SRCAP: variants seen among roughly 807,000 people sequenced by gnomAD.
SRCAP encodes the protein Snf2 related CREBBP activator protein.
Under a neutral mutation model 263.1 loss-of-function variants are expected in SRCAP, and 46 were observed. The ratio of observed to expected loss-of-function variants is 0.17; its 90% CI spans 0.14 to 0.22. The LOEUF (loss-of-function observed/expected upper bound fraction) is 0.22, where lower values mean the gene tolerates loss of function less well. Among genes scored for constraint, SRCAP ranks in the 10% least tolerant of loss-of-function variants. The pLI is 1.00. For missense variants in SRCAP, 3,695 were observed against 4,181.9 expected (o/e 0.88, Z 3.21); for synonymous variants, 1,813 against 1,662.1 (o/e 1.09, Z -2.21).
At position 30,738,124 on chromosome 16, in the gene SRCAP, C is replaced by A. The variant is rs779419783; in HGVS notation, c.8084C>A (p.Thr2695Lys). ...SSPEKPQELV[T>K]AEVAAPSTSS... is the part of the protein sequence containing the mutation. ...CCAGAGAAGCCACAGGAACTCGTTA[C>A]AGCTGAGGTTGCAGCTCCATCCACC... is the stretch of plus-strand genomic sequence containing the variant. The change falls in exon 34 of 34, where the codon ACA becomes AAA. Residue 2695 changes from threonine to lysine, a missense_variant. Around this residue, in one of 12 missense-constraint regions of SRCAP, gnomAD observed 1,207 missense variants for 1,142.9 expected, o/e 1.06. Coordinates refer to ENST00000262518, the MANE Select transcript of SRCAP (RefSeq NM_006662.3). 3.7e-6 allele frequency: 6 copies of A among 1,614,174 alleles called. No homozygotes were observed. The East Asian group carries it at 1.1e-4, about 30-fold the overall frequency.
At chr16:30,710,537 C>T in intron 8 of SRCAP, 1 of 760,976 alleles carries the variant, frequency 1.3e-6, no homozygotes, top group Non-Finnish European at 2.4e-6. Flanking sequence ...TATTTGTTAC[C>T]TGGCACTTTC....
rs200249404 is a variant in SRCAP at position 30,736,293 on chromosome 16, G to A, written c.6823G>A (p.Asp2275Asn). The A allele has an allele frequency of 2.5e-6, 4 of 1,614,186 alleles. No individual in the cohort carries two copies. The highest frequency in any genetic ancestry group is 3.3e-5 in the Admixed American group (2 of 60,020). ...VAELAEFNENDGFPAGEGEEA... is the reference protein window; with the variant it reads ...VAELAEFNENNGFPAGEGEEA... The stretch of plus-strand genomic sequence containing the variant: ...TGAGCTTGCAGAATTTAATGAGAAC[G>A]ATGGGTTTCCTGCTGGTGAGGGAGA... Residue 2275 changes from aspartate to asparagine, a missense_variant, in exon 32 of 34, where the codon GAT (aspartate) becomes AAT (asparagine). Asp to Asn is a conservative substitution (Grantham distance 23). Around this residue, in one of 12 missense-constraint regions of SRCAP, gnomAD observed 91 missense variants for 150.6 expected, o/e 0.60. Coordinates refer to ENST00000262518, the MANE Select transcript of SRCAP (RefSeq NM_006662.3).
Position 30,740,010 on chromosome 16 carries a change from G to A in SRCAP, c.*277G>A. ...CCCCCTTGTACTTGATTCCCCAGCT[G>A]TCTTTCACACAGCCCCCCACCCTTA... On this transcript the variant is annotated 3_prime_UTR_variant, in exon 34 of 34. Coordinates refer to ENST00000262518, the MANE Select transcript of SRCAP (RefSeq NM_006662.3). 2 of 339,608 alleles carry A rather than the reference G, an allele frequency of 5.9e-6. No homozygotes were observed. Among genetic ancestry groups the A allele is most frequent in the Non-Finnish European group, 1.0e-5 (2 of 192,020 alleles). 21.0% of individuals were successfully genotyped at this position (339,608 alleles called of 1,614,324 possible).
At chr16:30,726,195 G>A (rs1478096785) in intron 25 of SRCAP, 1 of 152,096 alleles carries the variant, frequency 6.6e-6, no homozygotes, top group Non-Finnish European at 1.5e-5. Flanking sequence ...TTGTGTTATA[G>A]CGTATATCAG....
At chr16:30,729,669 G>C in intron 27 of SRCAP, 97 bp downstream of exon 27, 1 of 1,437,746 alleles carries the variant, frequency 7.0e-7, no homozygotes, top group Non-Finnish European at 9.6e-7. Context: ...GTTCTCTTGC[G>C]ATTTCTGTAA....
At position 30,716,378 on chromosome 16, in the gene SRCAP, C is replaced by A; in HGVS notation, c.2716C>A (p.Leu906Met). 1 of 1,614,236 alleles carries A rather than the reference C, an allele frequency of 6.2e-7. No homozygotes were observed. The highest frequency in any genetic ancestry group is 8.5e-7 in the Non-Finnish European group (1 of 1,180,050). The change falls in exon 18 of 34, where the codon CTG (leucine) becomes ATG (methionine). Residue 906 changes from leucine to methionine, a missense_variant. This residue lies in a region of SRCAP where 147 missense variants were observed against 212.7 expected (regional missense o/e 0.69). Transcript: ENST00000262518. ...QLRKVCNHPN[L>M]FDPRPVTSPF... The stretch of plus-strand genomic sequence containing the variant: ...GAGAAAAGTTTGCAATCATCCAAAT[C>A]TGTTCGACCCTCGACCGGTTACCTC...
rs1181758513 is a variant in SRCAP at position 30,712,091 on chromosome 16, A to G, written c.1749A>G (p.Glu583=). The G allele has an allele frequency of 2.5e-6, 4 of 1,613,960 alleles. No homozygotes were observed. The highest frequency in any genetic ancestry group is 1.3e-5 in the African/African-American group (1 of 74,892). The stretch of plus-strand genomic sequence containing the variant: ...CCACTACTCTAGGTCCAAAGAAAGA[A>G]ATTACTGACATTGCTGCAGCAGCTG... The part of the protein sequence containing the change: ...PGPTTLGPKK[E]ITDIAAAAES... Residue 583 remains glutamate (E), a synonymous_variant, in exon 12 of 34, where the codon GAA becomes GAG. Transcript: ENST00000262518.
Position 30,704,269 on chromosome 16 carries a change from C to T in SRCAP, c.260C>T (p.Pro87Leu), listed in dbSNP as rs753179022. Residue 87 changes from proline to leucine, a missense_variant, in exon 4 of 34, where the codon CCG (proline) becomes CTG (leucine). Around this residue, in one of 12 missense-constraint regions of SRCAP, gnomAD observed 122 missense variants for 116.9 expected, o/e 1.04. Coordinates refer to ENST00000262518, the MANE Select transcript of SRCAP (RefSeq NM_006662.3). ...GCTGCTGACCTGGCTAACAAGGGCC[C>T]GAAGTGGGAGAAGAGCCATGCCGAA... The part of the protein sequence containing the change: ...SQAADLANKG[P>L]KWEKSHAEIA... The T allele has an allele frequency of 4.3e-6, 7 of 1,613,388 alleles. No homozygotes were observed. The highest frequency in any genetic ancestry group is 1.1e-5 in the South Asian group (1 of 91,040).
rs778865525 is a variant in SRCAP at position 30,720,857 on chromosome 16, G to A, written c.3132G>A (p.Val1044=). ...AQPTPGPVPQ[V]LPASLMVSAS... is the part of the protein sequence containing the mutation. Reference sequence around the variant, plus strand: ...CCACCCCTGGCCCAGTCCCCCAAGTGCTGCCAGCATCACTGATGGTTTCAG... The same window carrying A: ...CCACCCCTGGCCCAGTCCCCCAAGTACTGCCAGCATCACTGATGGTTTCAG... Residue 1044 remains valine (V), a synonymous_variant, in exon 20 of 34, where the codon GTG becomes GTA. Coordinates refer to ENST00000262518, the MANE Select transcript of SRCAP (RefSeq NM_006662.3). 6.2e-7 allele frequency: 1 copy of A among 1,613,964 alleles called. No homozygotes were observed. Among genetic ancestry groups the A allele is most frequent in the African/African-American group, 1.3e-5 (1 of 75,012 alleles).
At chr16:30,727,832 G>T (rs973952019) in intron 25 of SRCAP, among the ~76,000 whole-genome samples, 4 of 151,992 alleles carry the variant, frequency 2.6e-5, no homozygotes, top group Non-Finnish European at 5.9e-5. Context: ...GATTACAGGT[G>T]TGAGCCACCG....
chr16:30,721,086 G>A (rs1596653998), intron 20 of SRCAP, 103 bp from the exon 21 acceptor site: 1 of 1,535,280 alleles, frequency 6.5e-7, no homozygotes, highest in East Asian at 2.3e-5. Flanking sequence ...CTGGGGACAC[G>A]GGTCTAGTAT....
At chr16:30,715,262 C>G (rs2052936019) in intron 16 of SRCAP, among the ~76,000 whole-genome samples, 1 of 152,170 alleles carries the variant, frequency 6.6e-6, no homozygotes, top group African/African-American at 2.4e-5. Context: ...ATTCGGTAAA[C>G]TAAGCTAGAA....
chr16:30,732,479 A>G (rs2053122988), intron 27 of SRCAP, among the ~76,000 whole-genome samples: 1 of 152,240 alleles, frequency 6.6e-6, no homozygotes, highest in East Asian at 1.9e-4. Context: ...AAGGAAAAAA[A>G]TAAAAGTTCA....
intron 4 of SRCAP, among the ~76,000 whole-genome samples, chr16:30,704,953 G>T (rs1003770948): frequency 9.2e-5 from 14 of 152,136 alleles, no homozygotes; most frequent in African/African-American, 3.4e-4. Flanking sequence ...TTATCCAGTG[G>T]TAAGTGTGGT....
chr16:30,710,547 C>G (rs748760592), intron 8 of SRCAP: 2 of 767,006 alleles, frequency 2.6e-6, no homozygotes, highest in African/African-American at 1.7e-5. Context: ...CTGGCACTTT[C>G]ACAGTTCCTT....
At chr16:30,723,412 T>A (rs2053030769) in intron 24 of SRCAP, among the ~76,000 whole-genome samples, 172 bp from the exon 25 acceptor site, 1 of 152,200 alleles carries the variant, frequency 6.6e-6, no homozygotes, top group Admixed American at 6.5e-5. Context: ...TGCTGGAATC[T>A]TGGAGGGGAA....
Position 30,739,781 on chromosome 16 carries a change from T to A in SRCAP, c.*48T>A. 2 of 1,448,024 alleles carry A rather than the reference T, an allele frequency of 1.4e-6. No homozygotes were observed. The highest frequency in any genetic ancestry group is 1.8e-6 in the Non-Finnish European group (2 of 1,098,270). The allele number at this position is 1,448,024 out of a possible 1,614,324, so 89.7% of individuals were successfully genotyped here. A position where few individuals can be genotyped will look rare whatever the true frequency, so the allele number is the denominator to read the frequency against. ...CTTTCCACCGTGGCCACTCCCTCCA[T>A]GACCAGGCCTGACTCTGTTAACCAC... On this transcript the variant is annotated 3_prime_UTR_variant, in exon 34 of 34. Transcript: ENST00000262518.
In SRCAP at chr16:30,709,501, C is replaced by T; in HGVS notation, c.634-12C>T. On this transcript the variant is annotated splice_polypyrimidine_tract_variant and intron_variant, in intron 6 of 33. Coordinates refer to ENST00000262518, the MANE Select transcript of SRCAP (RefSeq NM_006662.3). ...TTATCTTGGTGAGCAGTCCCTTTCA[C>T]ATCTGTGGCAGGTGGTGCAATTCAA... 6.2e-7 allele frequency: 1 copy of T among 1,613,964 alleles called. No individual in the cohort carries two copies. Among genetic ancestry groups the T allele is most frequent in the South Asian group, 1.1e-5 (1 of 91,072 alleles).
In SRCAP at chr16:30,736,283, T is replaced by C; in HGVS notation, c.6813T>C (p.Phe2271=). ...AACAGGTGGCTGAGCTTGCAGAATT[T>C]AATGAGAACGATGGGTTTCCTGCTG... ...KAEQVAELAE[F]NENDGFPAGE... The change falls in exon 32 of 34, where the codon TTT becomes TTC. Residue 2271 remains phenylalanine (F), a synonymous_variant. Coordinates refer to ENST00000262518, the MANE Select transcript of SRCAP (RefSeq NM_006662.3). The C allele has an allele frequency of 6.2e-7, 1 of 1,614,176 alleles. No homozygotes were observed. Among genetic ancestry groups the C allele is most frequent in the Non-Finnish European group, 8.5e-7 (1 of 1,180,026 alleles).
Sources: allele counts gnomAD v4.1 joint callset (sites outside exome capture counted in the v4.1 genomes callset), GRCh38; gene constraint gnomAD v4.1.1; regional missense constraint gnomAD v4.1.1; transcripts MANE v1.5; gene names NCBI Gene and HGNC (gene_info 2026-07-23, HGNC 2026-07-21).